The following KHDRBS2 variants were observed in gnomAD, a reference collection of about 807,000 sequenced individuals.
KHDRBS2 encodes the protein KH domain-containing, RNA-binding, signal transduction-associated protein 2.
In KHDRBS2, 26 loss-of-function variants were observed where a neutral mutation model predicts 44.3. The observed-to-expected ratio is 0.59, with a 90% CI of 0.43 to 0.81. The LOEUF (loss-of-function observed/expected upper bound fraction) is 0.81. KHDRBS2 is among the 40% of genes least tolerant of loss of function. The pLI is 0.00. For missense variants in KHDRBS2, 476 were observed against 433.1 expected (o/e 1.10, Z -0.88); for synonymous variants, 194 against 151.1 (o/e 1.28, Z -2.08).
intron 1 of KHDRBS2, among the ~76,000 whole-genome samples, chr6:62,252,959 G>T (rs1836785871): frequency 6.6e-6 from 1 of 151,966 alleles, no homozygotes; most frequent in South Asian, 2.1e-4. Context: ...ATACTATAGA[G>T]CAACTGAAGC....
intron 4 of KHDRBS2, among the ~76,000 whole-genome samples, chr6:61,977,711 T>C (rs1772974185): frequency 6.6e-6 from 1 of 152,132 alleles, no homozygotes; most frequent in African/African-American, 2.4e-5. Flanking sequence ...TCCCTATTAA[T>C]TGTAAATTGC....
chr6:61,852,033 C>A (rs886814725), intron 6 of KHDRBS2, among the ~76,000 whole-genome samples: 1 of 151,954 alleles, frequency 6.6e-6, no homozygotes, highest in East Asian at 1.9e-4. Flanking sequence ...ACCAGCCTGG[C>A]CAACATGGTG....
chr6:61,662,815 G>C, the KHDRBS2 span, among the ~76,000 whole-genome samples: 6 of 151,880 alleles, frequency 4.0e-5, no homozygotes, highest in East Asian at 2.0e-4. Context: ...CTGTAAACTA[G>C]TTCAACCATT....
chr6:61,795,144 C>CAAAAAAAAAAAAAAAA (rs1166333660), intron 6 of KHDRBS2, among the ~76,000 whole-genome samples: 2 of 59,668 alleles, frequency 3.4e-5, no homozygotes, highest in African/African-American at 6.2e-5. Flanking sequence ...GACTCCGTCT[C>CAAAAAAAAAAAAAAAA]AAAAAAAAAA....
chr6:61,627,397 A>G, the KHDRBS2 span, among the ~76,000 whole-genome samples: 1 of 151,696 alleles, frequency 6.6e-6, no homozygotes, highest in Non-Finnish European at 1.5e-5. Flanking sequence ...ACCTGAGTTT[A>G]TGCTAATGAG....
At chr6:61,981,627 C>A (rs2127405267) in intron 3 of KHDRBS2, among the ~76,000 whole-genome samples, 1 of 152,252 alleles carries the variant, frequency 6.6e-6, no homozygotes, top group African/African-American at 2.4e-5. Context: ...AGTGTTCAAT[C>A]TTTTGACATT....
At chr6:61,597,356 G>T in the KHDRBS2 span, among the ~76,000 whole-genome samples, 1 of 152,070 alleles carries the variant, frequency 6.6e-6, no homozygotes, top group Non-Finnish European at 1.5e-5. Context: ...GCAATTTAAG[G>T]CGGAGCCCAT....
intron 3 of KHDRBS2, among the ~76,000 whole-genome samples, chr6:62,015,520 G>T (rs1209503524): frequency 3.3e-5 from 5 of 152,028 alleles, no homozygotes. Flanking sequence ...ACCAAAAATG[G>T]TCTAGTTCAT....
At chr6:61,752,980 G>A (rs1448221385) in intron 6 of KHDRBS2, among the ~76,000 whole-genome samples, 1 of 152,024 alleles carries the variant, frequency 6.6e-6, no homozygotes, top group Non-Finnish European at 1.5e-5. Flanking sequence ...AGAATTCTAT[G>A]GGAACCCAAG....
At chr6:61,672,241 A>G in the KHDRBS2 span, among the ~76,000 whole-genome samples, 1 of 151,556 alleles carries the variant, frequency 6.6e-6, no homozygotes, top group African/African-American at 2.4e-5. Context: ...AATCCAGTCT[A>G]TCATTGTTGG....
chr6:62,232,585 C>T (rs1833059965), intron 1 of KHDRBS2, among the ~76,000 whole-genome samples: 2 of 152,056 alleles, frequency 1.3e-5, no homozygotes, highest in African/African-American at 4.8e-5. Flanking sequence ...CACACACATG[C>T]TTATTTAAAA....
chr6:62,056,698 C>A (rs1409542623), intron 2 of KHDRBS2, among the ~76,000 whole-genome samples: 1 of 151,812 alleles, frequency 6.6e-6, no homozygotes, highest in Non-Finnish European at 1.5e-5. Flanking sequence ...GTTACAAAAC[C>A]TTCTTTCCCC....
chr6:61,611,081 A>G, the KHDRBS2 span, among the ~76,000 whole-genome samples: 1 of 152,214 alleles, frequency 6.6e-6, no homozygotes, highest in African/African-American at 2.4e-5. Flanking sequence ...TAAATAATGC[A>G]TAAGTGGGTT....
chr6:62,272,128 T>C lies in KHDRBS2; in HGVS notation c.91+13730A>G, dbSNP rs770746682. ...TCTATGTTTAGGTATACAAATACCA[T>C]TGTGTTACAATTGCCTGCAGTAATC... On this transcript the variant is annotated intron_variant, in intron 1 of 8. Transcript: ENST00000281156. Among the ~76,000 whole-genome samples, 84 of 152,190 alleles carry C rather than the reference T, an allele frequency of 5.5e-4. 1 individual carries two copies. Among genetic ancestry groups the C allele is most frequent in the Non-Finnish European group, 1.1e-3 (72 of 68,038 alleles).
chr6:62,199,525 A>T (rs1331253638), intron 1 of KHDRBS2, among the ~76,000 whole-genome samples: 1 of 152,176 alleles, frequency 6.6e-6, no homozygotes, highest in Non-Finnish European at 1.5e-5. Context: ...TCCAACTTAC[A>T]AGGGATGTGA....
chr6:61,773,402 C>T (rs2127577774), intron 6 of KHDRBS2, among the ~76,000 whole-genome samples: 1 of 152,158 alleles, frequency 6.6e-6, no homozygotes, highest in South Asian at 2.1e-4. Context: ...TGATGATGAG[C>T]ATTTTTTCAT....
chr6:62,223,003 A>G (rs576383811), intron 1 of KHDRBS2, among the ~76,000 whole-genome samples: 1 of 152,292 alleles, frequency 6.6e-6, no homozygotes, highest in South Asian at 2.1e-4. Flanking sequence ...TCTGGAGGAC[A>G]GTGACCCTCT....
chr6:61,985,796 TC>T (rs1276648423), intron 3 of KHDRBS2, among the ~76,000 whole-genome samples: 1 of 152,186 alleles, frequency 6.6e-6, no homozygotes, highest in African/African-American at 2.4e-5. Flanking sequence ...TTCACGGGCA[TC>T]CTGATACTGA....
chr6:61,886,311 T>G (rs1441510346), intron 6 of KHDRBS2, among the ~76,000 whole-genome samples: 1 of 152,096 alleles, frequency 6.6e-6, no homozygotes, highest in Non-Finnish European at 1.5e-5. Context: ...TCTTCCAGAT[T>G]CTTTAGACTT....
Sources: gnomAD v4.1 joint callset for allele counts (sites outside exome capture counted in the v4.1 genomes callset) on GRCh38, gnomAD v4.1.1 for gene constraint, MANE v1.5 for transcripts, NCBI Gene and HGNC (gene_info 2026-07-23, HGNC 2026-07-21) for gene names.